The following GIN1 variants were observed in gnomAD, a reference collection of about 807,000 sequenced individuals.
The protein encoded by GIN1 is gypsy retrotransposon integrase 1, also known as gypsy retrotransposon integrase-like protein 1.
A neutral mutation model predicts 51.4 loss-of-function variants in GIN1; 41 were observed. The observed-to-expected ratio is 0.80, with a 90% confidence interval of 0.62 to 1.04. The LOEUF (loss-of-function observed/expected upper bound fraction) is 1.04, where lower values mean the gene tolerates loss of function less well. Ranked by LOEUF, GIN1 falls within the 50% of genes least tolerant of loss-of-function variation. GIN1 has a pLI of 0.00. For synonymous variants in GIN1, 222 were observed against 206.5 expected, an observed-to-expected ratio of 1.07 and a Z score of -0.64; for missense variants, 610 against 612.4, an observed-to-expected ratio of 1.00 and a Z score of 0.04.
intron 4 of GIN1, among the ~76,000 whole-genome samples, chr5:103,100,250 C>CT (rs1554195632): frequency 6.6e-6 from 1 of 151,762 alleles, no homozygotes; most frequent in African/African-American, 2.4e-5. Flanking sequence ...CAGGTGTGCC[C>CT]TACCACTCCT....
rs1488494183 is a variant in GIN1 at position 103,086,362 on chromosome 5, C to T, written c.*1536G>A. The T allele has an allele frequency of 6.6e-6, 1 of 152,092 alleles. No individual in the cohort carries two copies. The highest frequency in any genetic ancestry group is 2.4e-5 in the African/African-American group (1 of 41,398). 9.4% of individuals were successfully genotyped at this position (152,092 alleles called of 1,614,324 possible). A position where few individuals can be genotyped will look rare whatever the true frequency, so the allele number is the denominator to read the frequency against. Reference sequence around the variant, plus strand: ...TTTGAGGTGGTGGGGGTTAAGACTTCAACACAAATTTTGGGAGGGGCACAT... The same window carrying T: ...TTTGAGGTGGTGGGGGTTAAGACTTTAACACAAATTTTGGGAGGGGCACAT... On this transcript the variant is annotated 3_prime_UTR_variant, in exon 8 of 8. Coordinates refer to ENST00000399004, the MANE Select transcript of GIN1 (RefSeq NM_017676.2).
chr5:103,094,284 G>T (rs1358535942), intron 7 of GIN1, among the ~76,000 whole-genome samples: 3 of 152,050 alleles, frequency 2.0e-5, no homozygotes, highest in Non-Finnish European at 4.4e-5. Context: ...TGAGAAAAAT[G>T]TAAAAAAAGG....
intron 7 of GIN1, among the ~76,000 whole-genome samples, chr5:103,088,971 T>C (rs1327309124): frequency 2.6e-5 from 4 of 152,212 alleles, no homozygotes; most frequent in Admixed American, 6.5e-5. Context: ...GGAAAGATAA[T>C]ATCATCAAAT....
intron 1 of GIN1, among the ~76,000 whole-genome samples, chr5:103,117,581 T>TATACACACACACACACACACAC (rs5870042): frequency 4.0e-5 from 6 of 149,382 alleles, no homozygotes; most frequent in Admixed American, 6.7e-5. Flanking sequence ...GAAAAAAATA[T>TATACACACACACACACACACAC]ACACACACAC....
intron 2 of GIN1, among the ~76,000 whole-genome samples, chr5:103,107,186 C>T (rs74644243): frequency 0.043 from 6,463 of 151,914 alleles, 444 homozygotes; most frequent in African/African-American, 0.15. Flanking sequence ...GTAATAAGTA[C>T]GGAAATATGA....
intron 7 of GIN1, among the ~76,000 whole-genome samples, chr5:103,092,202 T>C (rs1787260352): frequency 6.6e-6 from 1 of 152,006 alleles, no homozygotes; most frequent in Non-Finnish European, 1.5e-5. Context: ...GGGACGGGGT[T>C]TCACTATGTT....
intron 7 of GIN1, 131 bp from the exon 8 acceptor site, chr5:103,088,303 T>A: frequency 1.9e-6 from 1 of 533,172 alleles, no homozygotes; most frequent in Non-Finnish European, 3.2e-6. Context: ...TTCTAGGGAG[T>A]TATACTGTCT....
chr5:103,094,865 G>A (rs76007025), intron 7 of GIN1, among the ~76,000 whole-genome samples: 4,780 of 152,206 alleles, frequency 0.031, 255 homozygotes, highest in African/African-American at 0.11. Context: ...TTCTAACAAA[G>A]AGAACGAAAG....
intron 7 of GIN1, among the ~76,000 whole-genome samples, chr5:103,091,390 A>G (rs1554194518): frequency 6.6e-6 from 1 of 152,214 alleles, no homozygotes; most frequent in African/African-American, 2.4e-5. Flanking sequence ...GGGATACAGA[A>G]AAGAATATGA....
At chr5:103,091,307 A>T (rs1231900319) in intron 7 of GIN1, among the ~76,000 whole-genome samples, 1 of 152,138 alleles carries the variant, frequency 6.6e-6, no homozygotes, top group East Asian at 1.9e-4. Flanking sequence ...GCTATTAGAA[A>T]ATTTTAAATT....
chr5:103,106,744 G>T lies in GIN1; in HGVS notation c.305C>A (p.Thr102Lys). The part of the protein sequence containing the change: ...LTLVESNYYW[T>K]SVTNDVKQWV... ...CTGTTTGACATCATTGGTCACAGAT[G>T]TCCAATAATAATTGGATTCTACCAG... Residue 102 changes from threonine (T) to lysine (K), a missense_variant, in exon 3 of 8, where the codon ACA becomes AAA. Physicochemically the swap from Thr to Lys is moderately conservative, Grantham distance 78 (BLOSUM62 -1). Coordinates refer to ENST00000399004, the MANE Select transcript of GIN1 (RefSeq NM_017676.2). 1 of 1,596,768 alleles carries T rather than the reference G, an allele frequency of 6.3e-7. No individual in the cohort carries two copies. Among genetic ancestry groups the T allele is most frequent in the South Asian group, 1.1e-5 (1 of 88,216 alleles).
chr5:103,118,949 A>G (rs1788205844), intron 1 of GIN1, among the ~76,000 whole-genome samples: 1 of 152,190 alleles, frequency 6.6e-6, no homozygotes, highest in Non-Finnish European at 1.5e-5. Flanking sequence ...ATTTCTCTTA[A>G]AATCATTACT....
At chr5:103,115,436 T>C (rs1788005555) in intron 1 of GIN1, among the ~76,000 whole-genome samples, 1 of 152,112 alleles carries the variant, frequency 6.6e-6, no homozygotes, top group Non-Finnish European at 1.5e-5. Flanking sequence ...ATAAATACTG[T>C]AAGATTCCAC....
intron 5 of GIN1, 25 bp from the exon 6 acceptor site, chr5:103,097,515 A>G (rs1787439597): frequency 2.0e-6 from 3 of 1,493,844 alleles, no homozygotes; most frequent in Admixed American, 1.9e-5. Context: ...ATAAACGTCA[A>G]TTTTGTAATA....
At chr5:103,093,641 G>A (rs1290536389) in intron 7 of GIN1, among the ~76,000 whole-genome samples, 1 of 152,296 alleles carries the variant, frequency 6.6e-6, no homozygotes, top group South Asian at 2.1e-4. Flanking sequence ...CACAAATGGG[G>A]CTTTCAACTG....
chr5:103,104,832 C>T lies in GIN1; in HGVS notation c.348G>A (p.Gln116=). 1.3e-6 allele frequency: 2 copies of T among 1,597,370 alleles called. No individual in the cohort carries two copies. The highest frequency in any genetic ancestry group is 8.6e-7 in the Non-Finnish European group (1 of 1,167,960). The part of the protein sequence containing the change: ...NDVKQWVYAC[Q]HCQVAKNTVI... ...CTGTATTTTTTGCCACTTGGCAATG[C>T]TGACAAGCATATACCTACAACAGGC... The change falls in exon 4 of 8, where the codon CAG becomes CAA. Residue 116 remains glutamine, a synonymous_variant. Coordinates refer to ENST00000399004, the MANE Select transcript of GIN1 (RefSeq NM_017676.2).
chr5:103,118,759 T>TTTC (rs1554197800), intron 1 of GIN1, among the ~76,000 whole-genome samples: 2 of 152,100 alleles, frequency 1.3e-5, no homozygotes, highest in Non-Finnish European at 1.5e-5. Context: ...GTTTTTTTTT[T>TTTC]TTCAAAGCCC....
rs1021457449 is a variant in GIN1 at position 103,106,767 on chromosome 5, C to T, written c.282G>A (p.Leu94=). The change falls in exon 3 of 8, where the codon CTG becomes CTA. Residue 94 remains leucine (L), a synonymous_variant. Coordinates refer to ENST00000399004, the MANE Select transcript of GIN1 (RefSeq NM_017676.2). ...ATGTCCAATAATAATTGGATTCTAC[C>T]AGAGTGAGGGTCCTGGATATACCAT... ...AHHGISRTLT[L]VESNYYWTSV... is the part of the protein sequence containing the mutation. The T allele has an allele frequency of 2.5e-6, 4 of 1,603,138 alleles. No individual in the cohort carries two copies. The highest frequency in any genetic ancestry group is 1.7e-4 in the Middle Eastern group (1 of 6,026).
rs112327394 is a variant in GIN1 at position 103,096,434 on chromosome 5, A to G, written c.1294+107T>C. On this transcript the variant is annotated intron_variant, in intron 7 of 7. Coordinates refer to ENST00000399004, the MANE Select transcript of GIN1 (RefSeq NM_017676.2). ...GCTAAAACTGTAACAAATTTTATGAAGAAGGGAAAAGAAAACCTAACAAAA... is the reference window on the plus strand; with the variant it reads ...GCTAAAACTGTAACAAATTTTATGAGGAAGGGAAAAGAAAACCTAACAAAA... 240 of 830,844 alleles carry G rather than the reference A, an allele frequency of 2.9e-4. No homozygotes were observed. The African/African-American group carries it at 3.3e-3, about 11-fold the overall frequency. 51.5% of individuals were successfully genotyped at this position (830,844 alleles called of 1,614,324 possible). A position where few individuals can be genotyped will look rare whatever the true frequency, so the allele number is the denominator to read the frequency against.
Sources: gnomAD v4.1 joint callset for allele counts (sites outside exome capture counted in the v4.1 genomes callset) on GRCh38, gnomAD v4.1.1 for gene constraint, MANE v1.5 for transcripts, NCBI Gene and HGNC (gene_info 2026-07-23, HGNC 2026-07-21) for gene names.